RUSF1: variants seen among roughly 807,000 people sequenced by gnomAD.
RUSF1 encodes RUS1 family protein C16orf58.
Under a neutral mutation model 63.0 loss-of-function variants are expected in RUSF1, and 58 were observed. The ratio of observed to expected loss-of-function variants is 0.92; its 90% CI spans 0.75 to 1.15. The LOEUF is 1.15. Among genes scored for constraint, RUSF1 ranks in the 50% most tolerant of loss-of-function variants. The pLI, the probability that RUSF1 is intolerant of heterozygous loss-of-function variation, is 0.00. For synonymous variants in RUSF1, 274 were observed against 255.8 expected (o/e 1.07, Z -0.68); for missense variants, 652 against 611.0 (o/e 1.07, Z -0.71).
intron 2 of RUSF1, among the ~76,000 whole-genome samples, chr16:31,507,446 AT>A (rs1386211475): frequency 6.6e-6 from 1 of 152,010 alleles, no homozygotes; most frequent in Non-Finnish European, 1.5e-5. Context: ...TGGCAGTTTT[AT>A]TCCATCAATT....
Position 31,490,718 on chromosome 16 carries a change from G to C in RUSF1, c.*117C>G. ...GGCAGTCACTTCCCATGAGGGCCTG[G>C]CCCACCCGCTGCAGTTGCCCTAAGG... On this transcript the variant is annotated 3_prime_UTR_variant, in exon 13 of 13. Coordinates refer to ENST00000327237, the MANE Select transcript of RUSF1 (RefSeq NM_022744.4). 1 of 1,252,996 alleles carries C rather than the reference G, an allele frequency of 8.0e-7. No individual in the cohort carries two copies. Among genetic ancestry groups the C allele is most frequent in the South Asian group, 1.2e-5 (1 of 80,638 alleles). The allele number at this position is 1,252,996 out of a possible 1,614,324, so 77.6% of individuals were successfully genotyped here.
rs1331809636 is a variant in RUSF1 at position 31,493,474 on chromosome 16, C to T, written c.1009G>A (p.Val337Ile). 6.2e-7 allele frequency: 1 copy of T among 1,605,680 alleles called. No individual in the cohort carries two copies. Among genetic ancestry groups the T allele is most frequent in the Non-Finnish European group, 8.5e-7 (1 of 1,176,130 alleles). ...AGACGCTAGGCCACTCACCTGGAGA[C>T]CAAGCGGTGTAAGGGGACCCCCAGG... The part of the protein sequence containing the change: ...LSLGVPLHRL[V>I]SSVFELQQLV... The change falls in exon 9 of 13, where the codon GTC becomes ATC. Residue 337 changes from valine to isoleucine, a missense_variant. By Grantham distance (29) the Val-to-Ile change is conservative (BLOSUM62 3). Transcript: ENST00000327237.
rs979038617 is a variant in RUSF1 at position 31,498,922 on chromosome 16, T to A, written c.600+380A>T. Among the ~76,000 whole-genome samples the A allele has an allele frequency of 2.6e-5, 4 of 152,264 alleles. 1 individual carries two copies. Among genetic ancestry groups the A allele is most frequent in the South Asian group, 4.1e-4 (2 of 4,822 alleles). ...TATAATTCCACAAACACTGGTGCAATTATGTGTGGTTTCCTTTCAAAGACG... is the reference window on the plus strand; with the variant it reads ...TATAATTCCACAAACACTGGTGCAAATATGTGTGGTTTCCTTTCAAAGACG... On this transcript the variant is annotated intron_variant, in intron 5 of 12. Transcript: ENST00000327237.
At chr16:31,503,813 C>T (rs550844001) in intron 2 of RUSF1, among the ~76,000 whole-genome samples, 66 of 152,340 alleles carry the variant, frequency 4.3e-4, no homozygotes, top group Non-Finnish European at 7.9e-4. Flanking sequence ...CAGGTGCACA[C>T]AACCATGCCT....
chr16:31,493,104 C>T, intron 9 of RUSF1, 56 bp from the exon 10 acceptor site: 8 of 1,546,536 alleles, frequency 5.2e-6, no homozygotes, highest in Non-Finnish European at 7.1e-6. Flanking sequence ...CAGGCATGCC[C>T]AACCAGCCAC....
At chr16:31,498,018 G>A (rs867613579) in intron 5 of RUSF1, among the ~76,000 whole-genome samples, 4 of 152,332 alleles carry the variant, frequency 2.6e-5, no homozygotes, top group South Asian at 4.1e-4. Context: ...AGATGGAGGA[G>A]AGAATGGACT....
chr16:31,502,149 GGA>G (rs1236872855), intron 2 of RUSF1, among the ~76,000 whole-genome samples: 1 of 152,152 alleles, frequency 6.6e-6, no homozygotes, highest in Non-Finnish European at 1.5e-5. Context: ...GATACCATGG[GGA>G]GAGGATTTGG....
intron 5 of RUSF1, among the ~76,000 whole-genome samples, chr16:31,497,266 T>G (rs2082608748): frequency 6.6e-6 from 1 of 151,978 alleles, no homozygotes; most frequent in African/African-American, 2.4e-5. Flanking sequence ...TCCCCATTAC[T>G]GGCGGGAGGC....
Position 31,493,524 on chromosome 16 carries a change from C to A in RUSF1, c.959G>T (p.Gly320Val), listed in dbSNP as rs762451081. Reference sequence around the variant, plus strand: ...GGATAGAGACGGAGCTGGCCAGAAACCTGTGGGAAGCTGGGGTCAGGATGC... The same window carrying A: ...GGATAGAGACGGAGCTGGCCAGAAAACTGTGGGAAGCTGGGGTCAGGATGC... Reference protein sequence around the residue: ...AANRMEPLWTGFWPAPSLSLG... With the variant: ...AANRMEPLWTVFWPAPSLSLG... The change falls in exon 9 of 13, where the codon GGT (glycine) becomes GTT (valine). Residue 320 changes from glycine (G) to valine (V), a missense_variant and splice_region_variant. Gly to Val is a moderately radical substitution (Grantham distance 109). Coordinates refer to ENST00000327237, the MANE Select transcript of RUSF1 (RefSeq NM_022744.4). The A allele has an allele frequency of 6.2e-7, 1 of 1,613,934 alleles. No individual in the cohort carries two copies. The highest frequency in any genetic ancestry group is 8.5e-7 in the Non-Finnish European group (1 of 1,179,914).
At chr16:31,507,144 G>A (rs1234352718) in intron 2 of RUSF1, among the ~76,000 whole-genome samples, 2 of 152,178 alleles carry the variant, frequency 1.3e-5, no homozygotes, top group Non-Finnish European at 2.9e-5. Context: ...GAAAGACAAA[G>A]GACAGTGGCA....
intron 6 of RUSF1, among the ~76,000 whole-genome samples, chr16:31,495,510 T>C (rs1302887829): frequency 6.6e-6 from 1 of 152,124 alleles, no homozygotes. Context: ...GATATGTCCC[T>C]GGCTCTGTGG....
intron 1 of RUSF1, 39 bp downstream of exon 1, chr16:31,508,035 T>C (rs2082670513): frequency 2.6e-6 from 4 of 1,563,716 alleles, no homozygotes; most frequent in Non-Finnish European, 3.5e-6. Flanking sequence ...GAGGGAGGAG[T>C]GGCCTGCACT....
chr16:31,504,588 C>T (rs1033541264), intron 2 of RUSF1, among the ~76,000 whole-genome samples: 8 of 152,152 alleles, frequency 5.3e-5, no homozygotes, highest in African/African-American at 1.9e-4. Context: ...TTAAGCATTC[C>T]TAATCCAAAA....
intron 6 of RUSF1, 130 bp downstream of exon 6, chr16:31,496,719 T>G (rs2082605003): frequency 1.7e-5 from 13 of 786,882 alleles, no homozygotes; most frequent in Non-Finnish European, 2.3e-5. Flanking sequence ...TACTCCTGCC[T>G]GGGTGTCTTG....
Position 31,493,480 on chromosome 16 carries a change from G to A in RUSF1, c.1003C>T (p.Arg335Cys), listed in dbSNP as rs746907893. The A allele has an allele frequency of 1.9e-5, 31 of 1,608,040 alleles. No individual in the cohort carries two copies. Among genetic ancestry groups the A allele is most frequent in the Middle Eastern group, 1.7e-4 (1 of 6,046 alleles). ...PSLSLGVPLH[R>C]LVSSVFELQQ... is the part of the protein sequence containing the mutation. ...TAGGCCACTCACCTGGAGACCAAGC[G>A]GTGTAAGGGGACCCCCAGGGATAGA... The change falls in exon 9 of 13, where the codon CGC becomes TGC. Residue 335 changes from arginine to cysteine, a missense_variant. Arg to Cys is a radical substitution (Grantham distance 180). Coordinates refer to ENST00000327237, the MANE Select transcript of RUSF1 (RefSeq NM_022744.4).
In RUSF1 at chr16:31,489,968, A is replaced by G. The variant is rs2082546665; in HGVS notation, c.*867T>C. 3 of 1,165,390 alleles carry G rather than the reference A, an allele frequency of 2.6e-6. No homozygotes were observed. Among genetic ancestry groups the G allele is most frequent in the Admixed American group, 4.0e-5 (2 of 50,580 alleles). 72.2% of individuals were successfully genotyped at this position (1,165,390 alleles called of 1,614,324 possible). On this transcript the variant is annotated 3_prime_UTR_variant, in exon 13 of 13. Transcript: ENST00000327237. ...AGCCATGTAGGGTGGAGTTGGCATG[A>G]GTTAAGCCTGGGCTGGGTGTGTAGA...
chr16:31,505,316 C>T (rs2082653219), intron 2 of RUSF1, among the ~76,000 whole-genome samples: 2 of 152,032 alleles, frequency 1.3e-5, no homozygotes, highest in African/African-American at 2.4e-5. Flanking sequence ...CCACTATCAC[C>T]CTGTTCTCCT....
At chr16:31,502,678 G>T (rs1399890233) in intron 2 of RUSF1, among the ~76,000 whole-genome samples, 1 of 152,176 alleles carries the variant, frequency 6.6e-6, no homozygotes, top group Non-Finnish European at 1.5e-5. Flanking sequence ...CCTGACTCTG[G>T]AAGTAACACC....
Position 31,490,478 on chromosome 16 carries a change from C to T in RUSF1, c.*357G>A, listed in dbSNP as rs2082555864. ...ACCCGAGCTGGGCCCGTGTGGTCAA[C>T]CTCAATGCCCTGCTCATGATGGCAG... On this transcript the variant is annotated 3_prime_UTR_variant, in exon 13 of 13. Coordinates refer to ENST00000327237, the MANE Select transcript of RUSF1 (RefSeq NM_022744.4). 6.2e-7 allele frequency: 1 copy of T among 1,614,004 alleles called. No individual in the cohort carries two copies. Among genetic ancestry groups the T allele is most frequent in the East Asian group, 2.2e-5 (1 of 44,874 alleles).
Sources: allele counts gnomAD v4.1 joint callset (sites outside exome capture counted in the v4.1 genomes callset), GRCh38; gene constraint gnomAD v4.1.1; transcripts MANE v1.5; gene names NCBI Gene and HGNC (gene_info 2026-07-23, HGNC 2026-07-21).